Variants in ADGRB1 observed in about 807,000 individuals in gnomAD.
The protein encoded by ADGRB1 is adhesion G protein-coupled receptor B1, also known as brain-specific angiogenesis inhibitor 1.
ADGRB1 carries 36 observed loss-of-function variants against 175.7 expected under a neutral mutation model. The observed-to-expected ratio is 0.20, with a 90% CI of 0.16 to 0.27. The LOEUF is 0.27. Ranked by LOEUF, ADGRB1 falls within the 10% of genes least tolerant of loss-of-function variation. The pLI, the probability that ADGRB1 is intolerant of heterozygous loss-of-function variation, is 1.00. For synonymous variants in ADGRB1, 1,054 were observed against 979.4 expected (o/e 1.08, Z -1.42); for missense variants, 1,731 against 2,255.3 (o/e 0.77, Z 4.71).
At chr8:142,450,404 C>A (rs1029484007) in intron 1 of ADGRB1, among the ~76,000 whole-genome samples, 2 of 152,246 alleles carry the variant, frequency 1.3e-5, no homozygotes, top group East Asian at 3.9e-4. Context: ...GCCGCCTCCT[C>A]CCCATCCACA....
At chr8:142,465,793 G>A (rs1334946759) in intron 2 of ADGRB1, among the ~76,000 whole-genome samples, 1 of 152,196 alleles carries the variant, frequency 6.6e-6, no homozygotes, top group Non-Finnish European at 1.5e-5. Flanking sequence ...TCAAAGCTCT[G>A]CGAGAGGTGG....
Position 142,484,021 on chromosome 8 carries a change from G to A in ADGRB1, c.2175G>A (p.Arg725=), listed in dbSNP as rs780150357. Residue 725 remains arginine (R), a synonymous_variant, in exon 12 of 31, where the codon CGG becomes CGA. Coordinates refer to ENST00000517894, the MANE Select transcript of ADGRB1 (RefSeq NM_001702.3). ...ILSNLLAEEN[R]DKWEEAQLAG... Reference sequence around the variant, plus strand: ...GCAACCTGTTGGCAGAGGAGAATCGGGACAAGTGGGAGGAGGCCCAGCTGG... The same window carrying A: ...GCAACCTGTTGGCAGAGGAGAATCGAGACAAGTGGGAGGAGGCCCAGCTGG... 1.2e-5 allele frequency: 20 copies of A among 1,612,964 alleles called. No individual in the cohort carries two copies. Among genetic ancestry groups the A allele is most frequent in the Middle Eastern group, 1.7e-4 (1 of 6,056 alleles).
intron 4 of ADGRB1, 27 bp downstream of exon 4, chr8:142,476,722 G>T: frequency 6.6e-7 from 1 of 1,521,704 alleles, no homozygotes. Flanking sequence ...GGGGTGGGTG[G>T]GACTAGGGCT....
At position 142,542,796 on chromosome 8, in the gene ADGRB1, G is replaced by A. The variant is rs1179532963; in HGVS notation, c.4413+149G>A. 4 of 751,672 alleles carry A rather than the reference G, an allele frequency of 5.3e-6. No individual in the cohort carries two copies. The highest frequency in any genetic ancestry group is 3.1e-5 in the East Asian group (1 of 31,930). The allele number at this position is 751,672 out of a possible 1,614,324, so 46.6% of individuals were successfully genotyped here. A position where few individuals can be genotyped will look rare whatever the true frequency, so the allele number is the denominator to read the frequency against. On this transcript the variant is annotated intron_variant, in intron 28 of 30. Transcript: ENST00000517894. This position sits in a 1 kb window ranked among gnomAD's most constrained non-coding sequence, Gnocchi z 6.3. ...CACCCCCCACCCCTGGCCCTGCTGG[G>A]TGTGCTGTGTATGTCTGACGTGTGG...
chr8:142,453,231 G>T (rs569830706), intron 1 of ADGRB1, among the ~76,000 whole-genome samples: 6 of 152,168 alleles, frequency 3.9e-5, no homozygotes, highest in African/African-American at 1.4e-4. Flanking sequence ...GAGGCTGGGG[G>T]CACGTGTGTG....
In ADGRB1 at chr8:142,475,610, C is replaced by T; in HGVS notation, c.921C>T (p.Arg307=). The T allele has an allele frequency of 8.1e-7, 1 of 1,235,366 alleles. No individual in the cohort carries two copies. The allele number at this position is 1,235,366 out of a possible 1,614,324, so 76.5% of individuals were successfully genotyped here. ...GCGAGGGGGTGCTGGAGGAGGGTCG[C>T]CAGTGCAACCGCGAGGCCTGCGGCC... The part of the protein sequence containing the change: ...GGCEGVLEEG[R]QCNREACGPA... The change falls in exon 3 of 31, where the codon CGC becomes CGT. Residue 307 remains arginine, a synonymous_variant. Coordinates refer to ENST00000517894, the MANE Select transcript of ADGRB1 (RefSeq NM_001702.3).
Position 142,533,453 on chromosome 8 carries a change from T to C in ADGRB1, c.3557T>C (p.Ile1186Thr). The C allele has an allele frequency of 6.2e-7, 1 of 1,607,816 alleles. No individual in the cohort carries two copies. The highest frequency in any genetic ancestry group is 8.5e-7 in the Non-Finnish European group (1 of 1,175,886). ...EGFVIVMVHC[I>T]LRREVQDAVK... ...TTCGTCATCGTCATGGTGCACTGTA[T>C]CCTCCGTAGAGAGGTGGGTGAGGCA... Residue 1186 changes from isoleucine to threonine, a missense_variant, in exon 25 of 31, where the codon ATC becomes ACC. Coordinates refer to ENST00000517894, the MANE Select transcript of ADGRB1 (RefSeq NM_001702.3).
rs760941521 is a variant in ADGRB1 at position 142,537,055 on chromosome 8, C to T, written c.3639C>T (p.Ser1213=). Residue 1213 remains serine (S), a synonymous_variant, in exon 26 of 31, where the codon TCC becomes TCT. Coordinates refer to ENST00000517894, the MANE Select transcript of ADGRB1 (RefSeq NM_001702.3). The surrounding 1 kb of genome is among the most constrained non-coding windows in gnomAD (Gnocchi z 4.6). ...AGGGCAACGGGGACTCAGGGGGCTC[C>T]TTCCAGAACGGCCACGCCCAGCTCA... The part of the protein sequence containing the change: ...QEEGNGDSGG[S]FQNGHAQLMT... 2.5e-6 allele frequency: 4 copies of T among 1,576,500 alleles called. No homozygotes were observed. In the East Asian group the frequency reaches 7.0e-5, roughly 28 times the overall value.
At chr8:142,536,512 A>G (rs1844932865) in intron 25 of ADGRB1, among the ~76,000 whole-genome samples, 2 of 152,084 alleles carry the variant, frequency 1.3e-5, no homozygotes. Flanking sequence ...TGCTGTTCCC[A>G]GTGGGGTGGC....
chr8:142,517,005 T>C (rs1275363079), intron 18 of ADGRB1, among the ~76,000 whole-genome samples: 1 of 152,096 alleles, frequency 6.6e-6, no homozygotes, highest in East Asian at 1.9e-4. Flanking sequence ...GCAGGGTCTG[T>C]GGCCGGCCCA....
rs973044995 is a variant in ADGRB1, at chr8:142,493,202, G to A, written c.2675+2387G>A. Among the ~76,000 whole-genome samples the A allele has an allele frequency of 1.3e-5, 2 of 152,044 alleles. No individual in the cohort carries two copies. The highest frequency in any genetic ancestry group is 2.9e-5 in the Non-Finnish European group (2 of 67,972). On this transcript the variant is annotated intron_variant, in intron 17 of 30. Coordinates refer to ENST00000517894, the MANE Select transcript of ADGRB1 (RefSeq NM_001702.3). This position sits in a 1 kb window ranked among gnomAD's most constrained non-coding sequence, Gnocchi z 5.0. ...TTTGTCCTCCAGGGCAGCAGGCTGT[G>A]AGGGGCCTGTCCAGTGAGCCGGGAC...
intron 18 of ADGRB1, among the ~76,000 whole-genome samples, chr8:142,512,771 G>A (rs956760837): frequency 7.2e-5 from 11 of 152,238 alleles, no homozygotes; most frequent in Non-Finnish European, 1.5e-4. Flanking sequence ...TGGCATACCA[G>A]CCAGTCACCA....
At chr8:142,503,402 G>A (rs1842716491) in intron 17 of ADGRB1, among the ~76,000 whole-genome samples, 1 of 152,092 alleles carries the variant, frequency 6.6e-6, no homozygotes, top group African/African-American at 2.4e-5. Context: ...GGCCAGGGAG[G>A]CACCTGCTGA....
intron 21 of ADGRB1, among the ~76,000 whole-genome samples, chr8:142,522,373 C>T (rs767382199): frequency 6.6e-6 from 1 of 152,192 alleles, no homozygotes; most frequent in African/African-American, 2.4e-5. Flanking sequence ...TTGGGAGGTA[C>T]ATTTACAAAA....
At position 142,522,070 on chromosome 8, in the gene ADGRB1, C is replaced by T. The variant is rs1314026056; in HGVS notation, c.3130C>T (p.Leu1044Phe). 6.2e-7 allele frequency: 1 copy of T among 1,612,536 alleles called. No individual in the cohort carries two copies. The highest frequency in any genetic ancestry group is 2.2e-5 in the East Asian group (1 of 44,836). The change falls in exon 21 of 31, where the codon CTC (leucine) becomes TTC (phenylalanine). Residue 1044 changes from leucine (L) to phenylalanine (F), a missense_variant. This residue lies in a region of ADGRB1 where 301 missense variants were observed against 488.4 expected (regional missense o/e 0.62). Transcript: ENST00000517894. The stretch of plus-strand genomic sequence containing the variant: ...GTCCTACATGGCGGTGACGGGCCAC[C>T]TCCGGAACCGCCTCATCCGCAAGCG... ...WQSYMAVTGH[L>F]RNRLIRKRFL...
chr8:142,464,014 C>T lies in ADGRB1; in HGVS notation c.-185C>T. On this transcript the variant is annotated 5_prime_UTR_variant, in exon 2 of 31. Transcript: ENST00000517894. ...GTGGCCACAGGCTGGCACCAGGGCC[C>T]TGGACTTTAGAAGCCGTTGCTGCCC... The T allele has an allele frequency of 6.4e-6, 3 of 465,996 alleles. No individual in the cohort carries two copies. The highest frequency in any genetic ancestry group is 1.0e-5 in the Non-Finnish European group (3 of 297,220). The allele number at this position is 465,996 out of a possible 1,614,324, so 28.9% of individuals were successfully genotyped here.
At chr8:142,505,613 G>A (rs71516700) in intron 17 of ADGRB1, among the ~76,000 whole-genome samples, 6,872 of 152,290 alleles carry the variant, frequency 0.045, 191 homozygotes, top group African/African-American at 0.068. Context: ...CTGTGGCAGA[G>A]GAGAGAGTTG....
intron 24 of ADGRB1, among the ~76,000 whole-genome samples, chr8:142,529,918 CTG>C (rs1175730207): frequency 7.0e-5 from 10 of 143,168 alleles, no homozygotes; most frequent in Admixed American, 1.4e-4. Flanking sequence ...GAGCATGCAT[CTG>C]TGTGTGTACC....
At position 142,543,158 on chromosome 8, in the gene ADGRB1, G is replaced by A. The variant is rs747074587; in HGVS notation, c.4414-245G>A. ...CCCAAGTTCAGGTCTCCTTGATCCTGGGGAGTGTGTCCCGGGTAGGCGAGC... is the reference window on the plus strand; with the variant it reads ...CCCAAGTTCAGGTCTCCTTGATCCTAGGGAGTGTGTCCCGGGTAGGCGAGC... On this transcript the variant is annotated intron_variant, in intron 28 of 30. Coordinates refer to ENST00000517894, the MANE Select transcript of ADGRB1 (RefSeq NM_001702.3). This position sits in a 1 kb window ranked among gnomAD's most constrained non-coding sequence, Gnocchi z 4.4. Among the ~76,000 whole-genome samples the A allele has an allele frequency of 7.2e-5, 11 of 152,136 alleles. No homozygotes were observed. The highest frequency in any genetic ancestry group is 1.5e-4 in the Non-Finnish European group (10 of 68,004).
Sources: allele counts gnomAD v4.1 joint callset (sites outside exome capture counted in the v4.1 genomes callset), GRCh38; gene constraint gnomAD v4.1.1; regional missense constraint gnomAD v4.1.1; non-coding constraint Gnocchi (gnomAD v3.1); transcripts MANE v1.5; gene names NCBI Gene and HGNC (gene_info 2026-07-23, HGNC 2026-07-21).